The following TJP2 variants were observed in gnomAD, a reference collection of about 807,000 sequenced individuals.
The protein encoded by TJP2 is tight junction protein 2.
In TJP2, 91 loss-of-function variants were observed where a neutral mutation model predicts 133.1. The ratio of observed to expected loss-of-function variants is 0.68; its 90% CI spans 0.58 to 0.81. The LOEUF (loss-of-function observed/expected upper bound fraction) is 0.81. Ranked by LOEUF, TJP2 falls within the 40% of genes least tolerant of loss-of-function variation. TJP2 has a pLI of 0.00. For synonymous variants in TJP2, 592 were observed against 583.4 expected (o/e 1.01, Z -0.21); for missense variants, 1,541 against 1,565.6 (o/e 0.98, Z 0.26).
At chr9:69,245,486 C>G (rs1269987517) in intron 17 of TJP2, among the ~76,000 whole-genome samples, 1 of 152,176 alleles carries the variant, frequency 6.6e-6, no homozygotes, top group Non-Finnish European at 1.5e-5. Context: ...GTCCATAATA[C>G]ATATTGCTGA....
At position 69,221,203 on chromosome 9, in the gene TJP2, G is replaced by T. The variant is rs752106855; in HGVS notation, c.659G>T (p.Ser220Ile). 2 of 1,603,480 alleles carry T rather than the reference G, an allele frequency of 1.2e-6. No homozygotes were observed. The highest frequency in any genetic ancestry group is 4.5e-5 in the East Asian group (2 of 44,478). The part of the protein sequence containing the change: ...ARTRDRSRGR[S>I]LERGLDHDFG... ...ACCCGAGACCGCAGCCGTGGCCGGAGCCTGGAGCGGGGCCTGGACCACGAC... is the reference window on the plus strand; with the variant it reads ...ACCCGAGACCGCAGCCGTGGCCGGATCCTGGAGCGGGGCCTGGACCACGAC... Residue 220 changes from serine (S) to isoleucine (I), a missense_variant, in exon 5 of 23, where the codon AGC (serine) becomes ATC (isoleucine). Transcript: ENST00000377245.
chr9:69,187,881 G>T (rs185279904), intron 1 of TJP2, among the ~76,000 whole-genome samples: 2 of 152,302 alleles, frequency 1.3e-5, no homozygotes, highest in South Asian at 2.1e-4. Context: ...ATAAGCACAC[G>T]TTTATCACAC....
chr9:69,169,021 T>G (rs1228375179), intron 2 of TJP2, among the ~76,000 whole-genome samples: 1 of 151,360 alleles, frequency 6.6e-6, no homozygotes, highest in Non-Finnish European at 1.5e-5. Context: ...GAGATGAGGC[T>G]ACCTGGAAGT....
intron 1 of TJP2, among the ~76,000 whole-genome samples, chr9:69,149,421 C>T (rs1290225292): frequency 6.6e-6 from 1 of 152,038 alleles, no homozygotes; most frequent in Non-Finnish European, 1.5e-5. Flanking sequence ...CCGTTGCTTG[C>T]TTTGTAGGAT....
At chr9:69,165,827 C>A (rs1824321946) in intron 2 of TJP2, among the ~76,000 whole-genome samples, 1 of 152,204 alleles carries the variant, frequency 6.6e-6, no homozygotes, top group Non-Finnish European at 1.5e-5. Flanking sequence ...CGCTCCCCAG[C>A]AGGTATGTCT....
upstream of TJP2, chr9:69,173,972 G>C: frequency 1.0e-6 from 1 of 985,314 alleles, no homozygotes; most frequent in Non-Finnish European, 1.2e-6. Flanking sequence ...GAGGGGTGCA[G>C]GCGTGGGGGC....
intron 17 of TJP2, 79 bp from the exon 18 acceptor site, chr9:69,246,611 T>C: frequency 8.3e-7 from 1 of 1,198,354 alleles, no homozygotes; most frequent in East Asian, 2.4e-5. Context: ...CAGAAATGAG[T>C]GTAAATTATG....
At chr9:69,167,865 CAA>C (rs33986127) in intron 2 of TJP2, among the ~76,000 whole-genome samples, 172 of 128,872 alleles carry the variant, frequency 1.3e-3, no homozygotes, top group Admixed American at 2.4e-3. Context: ...GAGAGTCTGT[CAA>C]AAAAAAAAAA....
At chr9:69,248,461 C>CCTG in intron 19 of TJP2, 1 of 1,361,196 alleles carries the variant, frequency 7.3e-7, no homozygotes, top group Non-Finnish European at 9.5e-7. Flanking sequence ...CACCCATGCC[C>CCTG]TCAGGTGCGA....
chr9:69,210,063 G>T (rs1052012390), intron 1 of TJP2, among the ~76,000 whole-genome samples: 1 of 152,076 alleles, frequency 6.6e-6, no homozygotes, highest in African/African-American at 2.4e-5. Context: ...AAGGCAGGCG[G>T]ACCATTTGAG....
intron 2 of TJP2, among the ~76,000 whole-genome samples, chr9:69,153,392 G>A (rs926407742): frequency 6.6e-6 from 1 of 152,060 alleles, no homozygotes; most frequent in African/African-American, 2.4e-5. Context: ...AGACCAGCCC[G>A]GGCAACATGG....
intron 16 of TJP2, among the ~76,000 whole-genome samples, chr9:69,239,004 A>G (rs968430465): frequency 6.6e-6 from 1 of 151,752 alleles, no homozygotes; most frequent in Non-Finnish European, 1.5e-5. Flanking sequence ...CCTGGCCAAC[A>G]TGGTGAAACC....
At chr9:69,144,245 G>A (rs1823123249) in intron 1 of TJP2, among the ~76,000 whole-genome samples, 1 of 152,170 alleles carries the variant, frequency 6.6e-6, no homozygotes, top group South Asian at 2.1e-4. Context: ...CCCAAAGATT[G>A]TTGGTATGTG....
chr9:69,205,242 C>G (rs992793443), intron 1 of TJP2: 1 of 1,537,264 alleles, frequency 6.5e-7, no homozygotes, highest in Non-Finnish European at 8.7e-7. Context: ...GTGTGAGTCC[C>G]TCTGCAAGCT....
chr9:69,161,592 G>A lies in TJP2; in HGVS notation c.-10+9821G>A, dbSNP rs138469546. Among the ~76,000 whole-genome samples the A allele has an allele frequency of 9.6e-3, 1,458 of 152,198 alleles. 30 individuals carry two copies. The highest frequency in any genetic ancestry group is 0.032 in the African/African-American group (1,336 of 41,530). On this transcript the variant is annotated intron_variant, in intron 2 of 5. Coordinates refer to the TJP2 transcript ENST00000423935. The stretch of plus-strand genomic sequence containing the variant: ...GGGGCCAGAACTGAACATGATGGAT[G>A]TCACCTATGGGTGATCAATTTAGGA...
intron 17 of TJP2, chr9:69,246,360 T>C (rs1288708976): frequency 2.7e-6 from 1 of 370,176 alleles, no homozygotes; most frequent in African/African-American, 2.1e-5. Flanking sequence ...CCCAGAGTGC[T>C]GAGATTACAG....
intron 17 of TJP2, among the ~76,000 whole-genome samples, chr9:69,245,595 T>C (rs1830867143): frequency 6.6e-6 from 1 of 152,202 alleles, no homozygotes; most frequent in Admixed American, 6.5e-5. Context: ...GACCATAGGC[T>C]CTGAAAGCAG....
intron 17 of TJP2, among the ~76,000 whole-genome samples, chr9:69,240,714 G>A (rs1467437787): frequency 3.3e-5 from 5 of 151,822 alleles, no homozygotes; most frequent in Admixed American, 3.3e-4. Flanking sequence ...GAGGTTGGAG[G>A]ATCGCTTGAG....
In TJP2 at chr9:69,191,215, C is replaced by T. The variant is rs373575910; in HGVS notation, c.60+16783C>T. 3.8e-4 allele frequency among the ~76,000 whole-genome samples: 57 copies of T among 148,634 alleles called. No homozygotes were observed. In the South Asian group the frequency reaches 0.013, roughly 33 times the overall value. On this transcript the variant is annotated intron_variant, in intron 1 of 22. Coordinates refer to ENST00000377245, the MANE Select transcript of TJP2 (RefSeq NM_004817.4). ...TTGAGAAGTTGCAAATGCAGATTTC[C>T]TCCGTGTTAGGTGGTGACCAATAAA...
Sources: gnomAD v4.1 joint callset for allele counts (sites outside exome capture counted in the v4.1 genomes callset) on GRCh38, gnomAD v4.1.1 for gene constraint, MANE v1.5 for transcripts, NCBI Gene and HGNC (gene_info 2026-07-23, HGNC 2026-07-21) for gene names.